STOX1: variants seen among roughly 807,000 people sequenced by gnomAD.
The protein encoded by STOX1 is storkhead-box protein 1.
In STOX1, 57 loss-of-function variants were observed where a neutral mutation model predicts 74.8. The ratio of observed to expected loss-of-function variants is 0.76; its 90% confidence interval spans 0.62 to 0.95. The LOEUF is 0.95. Ranked by LOEUF, STOX1 falls within the 40% of genes least tolerant of loss-of-function variation. STOX1 has a pLI of 0.00. For synonymous variants in STOX1, 375 were observed against 401.3 expected, an observed-to-expected ratio of 0.93 and a Z score of 0.78; for missense variants, 1,010 against 1,117.0, an observed-to-expected ratio of 0.90 and a Z score of 1.37.
At chr10:68,874,074 T>G (rs1840617748) in intron 1 of STOX1, among the ~76,000 whole-genome samples, 1 of 149,936 alleles carries the variant, frequency 6.7e-6, no homozygotes, top group African/African-American at 2.5e-5. Flanking sequence ...ATCTTGTCTT[T>G]TTTCTTTTGC....
chr10:68,883,010 T>G (rs1840847711), intron 2 of STOX1, among the ~76,000 whole-genome samples: 1 of 152,208 alleles, frequency 6.6e-6, no homozygotes, highest in Non-Finnish European at 1.5e-5. Context: ...TCCACCTGCC[T>G]CAGCCTCCCA....
At chr10:68,879,871 G>A (rs1049659956) in intron 1 of STOX1, among the ~76,000 whole-genome samples, 10 of 152,208 alleles carry the variant, frequency 6.6e-5, no homozygotes, top group African/African-American at 2.2e-4. Context: ...GCCTCCCACC[G>A]CAAAATTATC....
At chr10:68,855,075 A>G (rs917057992) in intron 1 of STOX1, among the ~76,000 whole-genome samples, 15 of 151,720 alleles carry the variant, frequency 9.9e-5, no homozygotes, top group Admixed American at 8.5e-4. Flanking sequence ...CTGTGATCAC[A>G]CCACTGCACT....
chr10:68,878,084 C>G (rs182979570), intron 1 of STOX1, among the ~76,000 whole-genome samples: 3 of 152,270 alleles, frequency 2.0e-5, no homozygotes, highest in Admixed American at 1.3e-4. Flanking sequence ...GTATTACTTT[C>G]TGAGTTCCAA....
At chr10:68,881,808 C>A in intron 1 of STOX1, 150 bp from the exon 2 acceptor site, 1 of 855,180 alleles carries the variant, frequency 1.2e-6, no homozygotes, top group Non-Finnish European at 1.9e-6. Context: ...TGTCATTGTA[C>A]ATGTCATGTT....
chr10:68,886,400 A>G lies in STOX1; in HGVS notation c.2604A>G (p.Glu868=), dbSNP rs1564589268. The change falls in exon 3 of 4, where the codon GAA becomes GAG. Residue 868 remains glutamate (E), a synonymous_variant. Coordinates refer to ENST00000298596, the MANE Select transcript of STOX1 (RefSeq NM_152709.5). Reference sequence around the variant, plus strand: ...CAAGAAAAGCCAGTTTTGAAGCTGAAGTCATACAAGACACTATTGGTGACA... The same window carrying G: ...CAAGAAAAGCCAGTTTTGAAGCTGAGGTCATACAAGACACTATTGGTGACA... The part of the protein sequence containing the change: ...YSARKASFEA[E]VIQDTIGDTG... 1.2e-6 allele frequency: 2 copies of G among 1,614,238 alleles called. No individual in the cohort carries two copies. Among genetic ancestry groups the G allele is most frequent in the Non-Finnish European group, 1.7e-6 (2 of 1,180,042 alleles).
intron 3 of STOX1, 43 bp downstream of exon 3, chr10:68,886,661 G>C: frequency 1.3e-6 from 2 of 1,576,048 alleles, no homozygotes; most frequent in Non-Finnish European, 1.7e-6. Context: ...GGGCGCAGTG[G>C]CTCATGCCTG....
intron 1 of STOX1, among the ~76,000 whole-genome samples, chr10:68,833,534 T>C (rs533646362): frequency 6.6e-6 from 1 of 152,226 alleles, no homozygotes; most frequent in East Asian, 1.9e-4. Flanking sequence ...GAGAGGGTCA[T>C]GATCAATTGA....
chr10:68,876,399 G>GC (rs916756705), intron 1 of STOX1, among the ~76,000 whole-genome samples: 51 of 151,780 alleles, frequency 3.4e-4, no homozygotes, highest in South Asian at 1.5e-3. Context: ...CAGGTGATCC[G>GC]CCCCCCTCAG....
At chr10:68,842,400 A>G (rs1839714326) in intron 1 of STOX1, among the ~76,000 whole-genome samples, 1 of 152,204 alleles carries the variant, frequency 6.6e-6, no homozygotes, top group Non-Finnish European at 1.5e-5. Context: ...CTGCTTGTCA[A>G]GATCATTTGC....
At chr10:68,893,789 A>G (rs1281832335), downstream of STOX1, among the ~76,000 whole-genome samples, 1 of 152,208 alleles carries the variant, frequency 6.6e-6, no homozygotes, top group African/African-American at 2.4e-5. Context: ...GGGAAGCAGA[A>G]TGGTTACCGA....
At chr10:68,892,268 A>G (rs1288835979) in intron 3 of STOX1, among the ~76,000 whole-genome samples, 1 of 151,970 alleles carries the variant, frequency 6.6e-6, no homozygotes, top group Non-Finnish European at 1.5e-5. Flanking sequence ...ACAGGAAGAT[A>G]TTGGCCACTT....
chr10:68,835,952 ACCT>A (rs551610124), intron 1 of STOX1, among the ~76,000 whole-genome samples: 259 of 149,974 alleles, frequency 1.7e-3, no homozygotes, highest in Middle Eastern at 6.8e-3. Context: ...GCTCACTGAA[ACCT>A]CCTCCTCCTG....
intron 1 of STOX1, among the ~76,000 whole-genome samples, chr10:68,869,677 A>G (rs1022860884): frequency 2.0e-5 from 3 of 152,242 alleles, no homozygotes; most frequent in East Asian, 3.8e-4. Flanking sequence ...AGGGTAGTAC[A>G]GTACTTAGGA....
chr10:68,874,390 C>T (rs891585974), intron 1 of STOX1, among the ~76,000 whole-genome samples: 1 of 152,104 alleles, frequency 6.6e-6, no homozygotes, highest in Non-Finnish European at 1.5e-5. Context: ...GTTACTGACC[C>T]CAGACTTTTA....
At chr10:68,830,038 C>A (rs1264925624) in intron 1 of STOX1, among the ~76,000 whole-genome samples, 1 of 151,926 alleles carries the variant, frequency 6.6e-6, no homozygotes, top group Non-Finnish European at 1.5e-5. Context: ...GACCTGGGGG[C>A]GAAATAAGAG....
chr10:68,880,357 A>T (rs1008577995), intron 1 of STOX1, among the ~76,000 whole-genome samples: 5 of 151,896 alleles, frequency 3.3e-5, no homozygotes, highest in Non-Finnish European at 5.9e-5. Flanking sequence ...TAAAATTTTT[A>T]TCTTTGTAGA....
chr10:68,831,486 G>C (rs940130341), intron 1 of STOX1, among the ~76,000 whole-genome samples: 1 of 152,044 alleles, frequency 6.6e-6, no homozygotes, highest in Non-Finnish European at 1.5e-5. Flanking sequence ...CGCCTGGCTA[G>C]ATGTTTTTTT....
intron 1 of STOX1, among the ~76,000 whole-genome samples, chr10:68,828,715 A>G (rs769672450): frequency 4.5e-4 from 69 of 152,224 alleles, no homozygotes; most frequent in Non-Finnish European, 2.5e-4. Flanking sequence ...TTTGAACTAC[A>G]GATCTGCAGC....
Sources: allele counts gnomAD v4.1 joint callset (sites outside exome capture counted in the v4.1 genomes callset), GRCh38; gene constraint gnomAD v4.1.1; transcripts MANE v1.5; gene names NCBI Gene and HGNC (gene_info 2026-07-23, HGNC 2026-07-21).